PDZD2: variants seen among roughly 807,000 people sequenced by gnomAD.
PDZD2 encodes the protein PDZ domain-containing protein 2.
PDZD2 carries 90 observed loss-of-function variants against 220.7 expected under a neutral mutation model. That is an observed-to-expected ratio of 0.41 (90% CI 0.34 to 0.49). PDZD2 has a LOEUF of 0.49. Ranked by LOEUF, PDZD2 falls within the 20% of genes least tolerant of loss-of-function variation. The pLI is 0.28. For missense variants in PDZD2, 3,174 were observed against 3,608.5 expected (o/e 0.88, Z 3.08); for synonymous variants, 1,375 against 1,450.5 (o/e 0.95, Z 1.18).
intron 2 of PDZD2, among the ~76,000 whole-genome samples, chr5:31,871,152 G>A (rs139022359): frequency 3.9e-5 from 6 of 152,130 alleles, no homozygotes; most frequent in African/African-American, 7.2e-5. Flanking sequence ...GTGTATATGC[G>A]TTACTCTTAA....
At chr5:31,871,990 T>TA (rs974580170) in intron 2 of PDZD2, among the ~76,000 whole-genome samples, 7 of 152,018 alleles carry the variant, frequency 4.6e-5, no homozygotes, top group Admixed American at 1.3e-4. Context: ...CATGCCTGGC[T>TA]AAAAAAGCAG....
At position 31,680,257 on chromosome 5, in the gene PDZD2, A is replaced by G. The variant is rs146414920; in HGVS notation, c.-361+40820A>G. On this transcript the variant is annotated intron_variant, in intron 1 of 24. Coordinates refer to ENST00000438447, the MANE Select transcript of PDZD2 (RefSeq NM_178140.4). ...GCCTGGGTCCTAGGGGACAAGTCTG[A>G]TGGTGACTCTAAGCTTCCCTTCACA... Among the ~76,000 whole-genome samples the G allele has an allele frequency of 3.8e-4, 58 of 152,294 alleles. 1 individual carries two copies. The East Asian group carries it at 0.01, about 27-fold the overall frequency.
At position 32,073,823 on chromosome 5, in the gene PDZD2, C is replaced by G; in HGVS notation, c.2726-9C>G. The G allele has an allele frequency of 6.3e-7, 1 of 1,591,416 alleles. No individual in the cohort carries two copies. The highest frequency in any genetic ancestry group is 8.6e-7 in the Non-Finnish European group (1 of 1,169,442). ...TTTCACTTGACTTTTCTGTCCCCAC[C>G]TCCACCAGCTCACAAGGAGCCTGGA... On this transcript the variant is annotated splice_polypyrimidine_tract_variant and intron_variant, in intron 17 of 24. Coordinates refer to ENST00000438447, the MANE Select transcript of PDZD2 (RefSeq NM_178140.4).
At position 32,089,192 on chromosome 5, in the gene PDZD2, A is replaced by C. The variant is rs150672161; in HGVS notation, c.5744A>C (p.Lys1915Thr). The C allele has an allele frequency of 1.9e-6, 3 of 1,614,000 alleles. No individual in the cohort carries two copies. Among genetic ancestry groups the C allele is most frequent in the Non-Finnish European group, 2.5e-6 (3 of 1,180,014 alleles). ...AVKAGGTDHR[K>T]PLISPQTSHK... ...AAGGCTGGGGGGACGGACCACAGGA[A>C]ACCCTTGATCTCACCCCAGACCTCC... is the stretch of plus-strand genomic sequence containing the variant. The change falls in exon 20 of 25, where the codon AAA becomes ACA. Residue 1915 changes from lysine to threonine, a missense_variant. Physicochemically the swap from Lys to Thr is moderately conservative, Grantham distance 78 (BLOSUM62 -1). Coordinates refer to ENST00000438447, the MANE Select transcript of PDZD2 (RefSeq NM_178140.4).
At chr5:32,063,085 C>T (rs1185733205) in intron 14 of PDZD2, among the ~76,000 whole-genome samples, 2 of 148,206 alleles carry the variant, frequency 1.3e-5, no homozygotes, top group African/African-American at 2.5e-5. Context: ...AGCTCTATAG[C>T]CCGGGCTGGG....
chr5:31,645,335 T>C (rs928125173), intron 1 of PDZD2, among the ~76,000 whole-genome samples: 17 of 64,804 alleles, frequency 2.6e-4, no homozygotes, highest in Admixed American at 5.5e-4. Context: ...CTTGGTCTCT[T>C]TTTTTTTTTT....
In PDZD2 at chr5:31,681,674, G is replaced by A. The variant is rs181303620; in HGVS notation, c.-361+42237G>A. Among the ~76,000 whole-genome samples the A allele has an allele frequency of 4.6e-3, 697 of 152,182 alleles. 5 individuals are homozygous for A. Among genetic ancestry groups the A allele is most frequent in the Middle Eastern group, 0.031 (9 of 294 alleles). On this transcript the variant is annotated intron_variant, in intron 1 of 24. Transcript: ENST00000438447. The stretch of plus-strand genomic sequence containing the variant: ...ATATTGGATCACAAAATGCTATGTG[G>A]AAGAGTTTTCGAAACTATAAAACTT...
intron 2 of PDZD2, among the ~76,000 whole-genome samples, chr5:31,822,271 CTTTTTTTTT>C (rs34010630): frequency 9.9e-6 from 1 of 100,598 alleles, no homozygotes; most frequent in East Asian, 2.8e-4. Context: ...TTCACGCAAT[CTTTTTTTTT>C]TTTTTTTTTT....
Position 32,108,163 on chromosome 5 carries a change from CTCT to C in PDZD2, c.*33_*35del, listed in dbSNP as rs1449654151. ...TTTAACAAGAATCATTTTCTCAGTT[CTCT>C]TCTTTCTTTAGCAAATCAGAGTGAC... On this transcript the variant is annotated 3_prime_UTR_variant, in exon 25 of 25. Coordinates refer to ENST00000438447, the MANE Select transcript of PDZD2 (RefSeq NM_178140.4). The C allele has an allele frequency of 2.2e-5, 34 of 1,516,608 alleles. No homozygotes were observed. The highest frequency in any genetic ancestry group is 2.9e-5 in the Non-Finnish European group (32 of 1,103,806). 93.9% of individuals were successfully genotyped at this position (1,516,608 alleles called of 1,614,324 possible).
chr5:31,861,363 T>C (rs755557371), intron 2 of PDZD2, among the ~76,000 whole-genome samples: 1 of 152,240 alleles, frequency 6.6e-6, no homozygotes, highest in Non-Finnish European at 1.5e-5. Flanking sequence ...ATGCATCGCT[T>C]ATCTCCAAAA....
intron 1 of PDZD2, among the ~76,000 whole-genome samples, chr5:31,647,016 G>C (rs1219336775): frequency 6.6e-6 from 1 of 152,120 alleles, no homozygotes; most frequent in Non-Finnish European, 1.5e-5. Context: ...CAGATGTCAG[G>C]CTTATTGATT....
chr5:32,019,754 A>T (rs1344087258), intron 6 of PDZD2, among the ~76,000 whole-genome samples: 1 of 152,170 alleles, frequency 6.6e-6, no homozygotes, highest in African/African-American at 2.4e-5. Flanking sequence ...TCAGATTTCA[A>T]TGAAAATAAA....
chr5:31,771,637 A>G (rs1752342610), intron 1 of PDZD2, among the ~76,000 whole-genome samples: 1 of 152,226 alleles, frequency 6.6e-6, no homozygotes, highest in Non-Finnish European at 1.5e-5. Context: ...ATTGAAAACA[A>G]TCACTTACTC....
intron 2 of PDZD2, among the ~76,000 whole-genome samples, chr5:31,929,799 T>G (rs1471316315): frequency 2.0e-5 from 3 of 152,134 alleles, no homozygotes; most frequent in Non-Finnish European, 4.4e-5. Context: ...GGTTTCATGA[T>G]GCAGGCATTG....
intron 1 of PDZD2, among the ~76,000 whole-genome samples, chr5:31,778,869 G>A (rs1459531479): frequency 6.6e-6 from 1 of 152,150 alleles, no homozygotes; most frequent in Non-Finnish European, 1.5e-5. Context: ...ACCACTCATA[G>A]ATCTCCTTTC....
chr5:31,961,675 T>C (rs1283889604), intron 2 of PDZD2, among the ~76,000 whole-genome samples: 2 of 152,202 alleles, frequency 1.3e-5, no homozygotes, highest in South Asian at 2.1e-4. Context: ...GACGATGTCT[T>C]GCTCTGTCGC....
At chr5:31,725,856 G>A (rs1029408033) in intron 1 of PDZD2, 47 of 780,706 alleles carry the variant, frequency 6.0e-5, no homozygotes, top group Non-Finnish European at 1.0e-4. Flanking sequence ...CTTCTGCTAC[G>A]CCGTGGTCTT....
chr5:31,662,167 T>C (rs1181607722), intron 1 of PDZD2, among the ~76,000 whole-genome samples: 3 of 152,034 alleles, frequency 2.0e-5, no homozygotes, highest in Admixed American at 2.0e-4. Context: ...AAAAATTAGC[T>C]GGGCGTGGTG....
At chr5:31,683,589 T>C (rs1332185280) in intron 1 of PDZD2, among the ~76,000 whole-genome samples, 1 of 152,234 alleles carries the variant, frequency 6.6e-6, no homozygotes, top group Admixed American at 6.5e-5. Context: ...TTCTGTTTGC[T>C]AATTTTTCAC....
Sources: allele counts gnomAD v4.1 joint callset (sites outside exome capture counted in the v4.1 genomes callset), GRCh38; gene constraint gnomAD v4.1.1; transcripts MANE v1.5; gene names NCBI Gene and HGNC (gene_info 2026-07-23, HGNC 2026-07-21).